AK8: variants seen among roughly 807,000 people sequenced by gnomAD.
AK8 encodes the protein ATP-AMP transphosphorylase 8.
AK8 carries 44 observed loss-of-function variants against 54.6 expected under a neutral mutation model. That is an observed-to-expected ratio of 0.81 (90% confidence interval 0.63 to 1.04). AK8 has a LOEUF of 1.04. Ranked by LOEUF, AK8 falls within the 50% of genes least tolerant of loss-of-function variation. The probability of loss-of-function intolerance (pLI) is 0.00; values close to 1 mark genes in which losing one functional copy is unlikely to be tolerated. For synonymous variants in AK8, 239 were observed against 245.6 expected, an observed-to-expected ratio of 0.97 and a Z score of 0.25; for missense variants, 555 against 613.6, an observed-to-expected ratio of 0.90 and a Z score of 1.01.
At chr9:132,875,328 C>T in intron 1 of AK8, 129 bp from the exon 2 acceptor site, 2 of 1,484,630 alleles carry the variant, frequency 1.3e-6, no homozygotes, top group Non-Finnish European at 1.8e-6. Flanking sequence ...GGGACCCAGC[C>T]ACCGCCCCAG....
At chr9:132,811,207 T>C (rs1356783208) in intron 10 of AK8, among the ~76,000 whole-genome samples, 1 of 152,226 alleles carries the variant, frequency 6.6e-6, no homozygotes, top group Non-Finnish European at 1.5e-5. Flanking sequence ...CACATCCTAA[T>C]CGCTGGCACC....
chr9:132,773,517 C>T (rs770536264), intron 11 of AK8, among the ~76,000 whole-genome samples: 2 of 152,190 alleles, frequency 1.3e-5, no homozygotes, highest in Non-Finnish European at 1.5e-5. Context: ...ACACCTGAAG[C>T]GTCTTAGGTT....
At chr9:132,830,922 T>C (rs933986082) in intron 5 of AK8, among the ~76,000 whole-genome samples, 1 of 152,238 alleles carries the variant, frequency 6.6e-6, no homozygotes, top group Non-Finnish European at 1.5e-5. Flanking sequence ...ATGTAAATAG[T>C]AATGATTTGT....
At chr9:132,785,093 T>C (rs1839633779) in intron 11 of AK8, among the ~76,000 whole-genome samples, 1 of 151,130 alleles carries the variant, frequency 6.6e-6, no homozygotes, top group Non-Finnish European at 1.5e-5. Flanking sequence ...AGGCAGTACA[T>C]GTGGGATACT....
intron 10 of AK8, among the ~76,000 whole-genome samples, chr9:132,802,132 C>T (rs1003508518): frequency 6.6e-6 from 1 of 152,238 alleles, no homozygotes; most frequent in South Asian, 2.1e-4. Context: ...TATTGGTAGG[C>T]CCCTGTGTGG....
chr9:132,757,940 G>A (rs914100888), intron 11 of AK8, among the ~76,000 whole-genome samples: 7 of 152,226 alleles, frequency 4.6e-5, no homozygotes, highest in African/African-American at 1.7e-4. Context: ...CAATTCCACT[G>A]AACTGGGCCA....
At position 132,727,494 on chromosome 9, in the gene AK8, G is replaced by A. The variant is rs763524400; in HGVS notation, c.1162C>T (p.Arg388Trp). The change falls in exon 12 of 13, where the codon CGG becomes TGG. Residue 388 changes from arginine (R) to tryptophan (W), a missense_variant. Transcript: ENST00000298545. ...GGATCAATTCTTCTCAGAGTCAGCC[G>A]CTCCATGATGGAATCAAATGGCACA... ...LNVPFDSIME[R>W]LTLRRIDPVT... is the part of the protein sequence containing the mutation. 8 of 1,613,820 alleles carry A rather than the reference G, an allele frequency of 5.0e-6. No homozygotes were observed. The Admixed American group carries it at 6.7e-5, about 13-fold the overall frequency.
At chr9:132,858,706 G>A (rs757660000) in intron 4 of AK8, among the ~76,000 whole-genome samples, 5 of 152,136 alleles carry the variant, frequency 3.3e-5, no homozygotes, top group African/African-American at 9.7e-5. Context: ...ACTGCTGCTC[G>A]GAGCTGTCAG....
intron 11 of AK8, among the ~76,000 whole-genome samples, chr9:132,756,009 C>A (rs1021409933): frequency 6.6e-6 from 1 of 152,124 alleles, no homozygotes; most frequent in Non-Finnish European, 1.5e-5. Context: ...TCAAGTGATC[C>A]ACCTGCCTTG....
At chr9:132,866,093 G>GC (rs1467283658) in intron 3 of AK8, among the ~76,000 whole-genome samples, 8 of 152,194 alleles carry the variant, frequency 5.3e-5, no homozygotes, top group African/African-American at 1.9e-4. Flanking sequence ...AGCTACTCGG[G>GC]AGGCTGAGGC....
At chr9:132,813,116 G>A (rs1161446885) in intron 10 of AK8, among the ~76,000 whole-genome samples, 4 of 120,350 alleles carry the variant, frequency 3.3e-5, no homozygotes, top group African/African-American at 7.0e-5. Context: ...TGTGGCCACC[G>A]CAGACACCCA....
At chr9:132,744,283 A>G (rs1409917283) in intron 11 of AK8, among the ~76,000 whole-genome samples, 1 of 152,214 alleles carries the variant, frequency 6.6e-6, no homozygotes, top group Admixed American at 6.5e-5. Context: ...TTAAACCCAC[A>G]CTTTAATTAC....
At chr9:132,830,740 T>C (rs1318118127) in intron 5 of AK8, among the ~76,000 whole-genome samples, 4 of 152,204 alleles carry the variant, frequency 2.6e-5, no homozygotes, top group Non-Finnish European at 5.9e-5. Context: ...CTTGCAGCCT[T>C]TTCATTTTGT....
At chr9:132,736,481 C>T (rs1242234914) in intron 11 of AK8, among the ~76,000 whole-genome samples, 1 of 149,724 alleles carries the variant, frequency 6.7e-6, no homozygotes, top group East Asian at 2.1e-4. Flanking sequence ...AGCCACTGTG[C>T]CTGGCCAATC....
Position 132,727,485 on chromosome 9 carries a change from G to A in AK8, c.1171C>T (p.Leu391=). 1 of 1,614,042 alleles carries A rather than the reference G, an allele frequency of 6.2e-7. No homozygotes were observed. Among genetic ancestry groups the A allele is most frequent in the Non-Finnish European group, 8.5e-7 (1 of 1,179,986 alleles). The change falls in exon 12 of 13, where the codon CTG becomes TTG. Residue 391 remains leucine (L), a synonymous_variant. Coordinates refer to ENST00000298545, the MANE Select transcript of AK8 (RefSeq NM_152572.3). ...PFDSIMERLT[L]RRIDPVTGER... is the part of the protein sequence containing the mutation. The stretch of plus-strand genomic sequence containing the variant: ...CCAGTGACTGGATCAATTCTTCTCA[G>A]AGTCAGCCGCTCCATGATGGAATCA...
intron 11 of AK8, among the ~76,000 whole-genome samples, chr9:132,744,965 A>AG (rs1328878730): frequency 6.6e-6 from 1 of 152,102 alleles, no homozygotes; most frequent in Non-Finnish European, 1.5e-5. Flanking sequence ...CACTTCCCGC[A>AG]GTCTGCGGAG....
intron 11 of AK8, among the ~76,000 whole-genome samples, chr9:132,757,073 T>C (rs1358802355): frequency 6.6e-6 from 1 of 152,250 alleles, no homozygotes; most frequent in Non-Finnish European, 1.5e-5. Context: ...AGTTTGGTGC[T>C]ACATTTGTCT....
chr9:132,854,938 G>T lies in AK8; in HGVS notation c.334-13C>A, dbSNP rs1318312321. The T allele has an allele frequency of 6.2e-7, 1 of 1,613,900 alleles. No individual in the cohort carries two copies. The highest frequency in any genetic ancestry group is 1.7e-5 in the Admixed American group (1 of 59,986). On this transcript the variant is annotated splice_polypyrimidine_tract_variant and intron_variant, in intron 4 of 12. Transcript: ENST00000298545. ...CGCTGGGAACTGTCTGAAGGAAAAA[G>T]GACACACAGAATGATGGCCCAAACC...
At chr9:132,855,201 C>T (rs1247239060) in intron 4 of AK8, among the ~76,000 whole-genome samples, 1 of 152,206 alleles carries the variant, frequency 6.6e-6, no homozygotes, top group African/African-American at 2.4e-5. Flanking sequence ...AGGGCTCCCT[C>T]AGAGCCTCAG....
Sources: gnomAD v4.1 joint callset for allele counts (sites outside exome capture counted in the v4.1 genomes callset) on GRCh38, gnomAD v4.1.1 for gene constraint, MANE v1.5 for transcripts, NCBI Gene and HGNC (gene_info 2026-07-23, HGNC 2026-07-21) for gene names.